PIK3CB: variants seen among roughly 807,000 people sequenced by gnomAD.
The protein encoded by PIK3CB is phosphatidylinositol 4,5-bisphosphate 3-kinase catalytic subunit beta isoform.
Under a neutral mutation model 136.8 loss-of-function variants are expected in PIK3CB, and 39 were observed. The ratio of observed to expected loss-of-function variants is 0.29; its 90% CI spans 0.22 to 0.37. The LOEUF is 0.37. Among genes scored for constraint, PIK3CB ranks in the 10% least tolerant of loss-of-function variants. PIK3CB has a pLI of 1.00. For synonymous variants in PIK3CB, 428 were observed against 436.6 expected (o/e 0.98, Z 0.25); for missense variants, 868 against 1,275.4 (o/e 0.68, Z 4.87).
chr3:138,689,722 A>C (rs2043968617), intron 15 of PIK3CB, among the ~76,000 whole-genome samples: 1 of 152,258 alleles, frequency 6.6e-6, no homozygotes, highest in African/African-American at 2.4e-5. Flanking sequence ...ATTAGTTAAT[A>C]CTTCAAAGTT....
chr3:138,778,444 T>C (rs1290213323), intron 2 of PIK3CB: 1 of 258,924 alleles, frequency 3.9e-6, no homozygotes, highest in African/African-American at 2.3e-5. Flanking sequence ...CTCCTGTACC[T>C]ACTGGTGCTG....
intron 10 of PIK3CB, among the ~76,000 whole-genome samples, chr3:138,710,083 G>C (rs970574486): frequency 6.6e-6 from 1 of 151,822 alleles, no homozygotes; most frequent in East Asian, 1.9e-4. Flanking sequence ...CAGCTACTTG[G>C]GGGGCTGAGG....
chr3:138,696,361 T>G (rs2044138106), intron 13 of PIK3CB, among the ~76,000 whole-genome samples: 1 of 151,912 alleles, frequency 6.6e-6, no homozygotes, highest in African/African-American at 2.4e-5. Context: ...TTTATTTCAT[T>G]TATTTATTCT....
chr3:138,717,541 T>A (rs1371794517), intron 8 of PIK3CB, among the ~76,000 whole-genome samples: 1 of 151,870 alleles, frequency 6.6e-6, no homozygotes, highest in Non-Finnish European at 1.5e-5. Context: ...GGTTTTTTTT[T>A]AAACTTTCAT....
chr3:138,721,265 C>G (rs1235289808), intron 8 of PIK3CB, among the ~76,000 whole-genome samples: 1 of 152,074 alleles, frequency 6.6e-6, no homozygotes, highest in Non-Finnish European at 1.5e-5. Flanking sequence ...TGGGTTCAAG[C>G]AATTCTCCTG....
intron 2 of PIK3CB, among the ~76,000 whole-genome samples, chr3:138,777,046 G>T (rs770788617): frequency 2.5e-4 from 38 of 152,070 alleles, no homozygotes; most frequent in Non-Finnish European, 4.4e-4. Flanking sequence ...TTAAAACATG[G>T]CCACAAAATT....
chr3:138,731,635 G>C (rs899078992), intron 8 of PIK3CB, among the ~76,000 whole-genome samples: 1 of 151,988 alleles, frequency 6.6e-6, no homozygotes, highest in Admixed American at 6.6e-5. Flanking sequence ...GATAAAAACA[G>C]GATTACCACT....
chr3:138,716,639 T>C (rs960283309), intron 8 of PIK3CB, among the ~76,000 whole-genome samples: 1 of 152,130 alleles, frequency 6.6e-6, no homozygotes. Context: ...CTCACGCCTG[T>C]AATCCCAGCA....
At chr3:138,743,552 ACATTCATT>A (rs547743417) in intron 4 of PIK3CB, among the ~76,000 whole-genome samples, 17 of 151,996 alleles carry the variant, frequency 1.1e-4, no homozygotes, top group Non-Finnish European at 2.2e-4. Context: ...TTCACATATA[ACATTCATT>A]CATTCATTCA....
At chr3:138,758,255 G>A (rs1256657950) in intron 3 of PIK3CB, among the ~76,000 whole-genome samples, 1 of 152,212 alleles carries the variant, frequency 6.6e-6, no homozygotes, top group East Asian at 1.9e-4. Context: ...AGGAATTGAG[G>A]GAAAGGGGCA....
At chr3:138,745,112 GT>G in intron 4 of PIK3CB, among the ~76,000 whole-genome samples, 1 of 152,308 alleles carries the variant, frequency 6.6e-6, no homozygotes, top group East Asian at 1.9e-4. Context: ...GGCATCTTCA[GT>G]GGTGTAATAC....
At chr3:138,727,416 C>A (rs547192819) in intron 8 of PIK3CB, among the ~76,000 whole-genome samples, 44 of 152,288 alleles carry the variant, frequency 2.9e-4, no homozygotes, top group Admixed American at 2.5e-3. Context: ...AAATTTGATG[C>A]GTGAGAAATT....
chr3:138,827,476 C>T (rs1029330082), intron 1 of PIK3CB, among the ~76,000 whole-genome samples: 27 of 151,958 alleles, frequency 1.8e-4, no homozygotes, highest in Admixed American at 7.2e-4. Flanking sequence ...GGCAACATAG[C>T]AAGAGCCTGT....
intron 3 of PIK3CB, among the ~76,000 whole-genome samples, chr3:138,757,761 T>C: frequency 6.6e-6 from 1 of 151,450 alleles, no homozygotes; most frequent in East Asian, 2.0e-4. Context: ...GAAAATAGCA[T>C]GTGTTGGCCA....
intron 4 of PIK3CB, among the ~76,000 whole-genome samples, chr3:138,747,616 ATGT>A (rs1452562228): frequency 9.2e-6 from 1 of 109,032 alleles, no homozygotes; most frequent in Non-Finnish European, 2.1e-5. Flanking sequence ...ATGTCTGTGT[ATGT>A]AAGTTTTGAA....
At chr3:138,742,196 A>G (rs1232942926) in intron 5 of PIK3CB, among the ~76,000 whole-genome samples, 2 of 152,192 alleles carry the variant, frequency 1.3e-5, no homozygotes, top group African/African-American at 2.4e-5. Flanking sequence ...CAAACAACAT[A>G]CAACACAGTG....
At chr3:138,781,247 T>C (rs1236263736) in intron 2 of PIK3CB, among the ~76,000 whole-genome samples, 2 of 151,654 alleles carry the variant, frequency 1.3e-5, no homozygotes, top group Non-Finnish European at 2.9e-5. Context: ...AGCCAAGATC[T>C]TGGCACTGCA....
intron 11 of PIK3CB, among the ~76,000 whole-genome samples, chr3:138,705,198 AAAACTTATATTTGCAAAT>A (rs2044352904): frequency 6.9e-6 from 1 of 144,076 alleles, no homozygotes. Context: ...AACAAAAAAA[AAAACTTATATTTGCAAAT>A]ATAGGAGGCT....
chr3:138,750,794 G>A (rs1442768396), intron 4 of PIK3CB, among the ~76,000 whole-genome samples: 3 of 152,198 alleles, frequency 2.0e-5, no homozygotes, highest in South Asian at 4.2e-4. Flanking sequence ...ACATTTAAGT[G>A]AGATCACACA....
Sources: allele counts gnomAD v4.1 joint callset (sites outside exome capture counted in the v4.1 genomes callset), GRCh38; gene constraint gnomAD v4.1.1; transcripts MANE v1.5; gene names NCBI Gene and HGNC (gene_info 2026-07-23, HGNC 2026-07-21).